Variants in MALRD1 observed in about 807,000 individuals in gnomAD.
MALRD1 encodes the protein MAM and LDL receptor class A domain containing 1.
A neutral mutation model predicts 242.1 loss-of-function variants in MALRD1; 247 were observed. That is an observed-to-expected ratio of 1.02 (90% CI 0.92 to 1.13). MALRD1 has a LOEUF of 1.13. Among genes scored for constraint, MALRD1 ranks in the 50% most tolerant of loss-of-function variants. MALRD1 has a pLI of 0.00. For missense variants in MALRD1, 2,989 were observed against 2,533.1 expected (o/e 1.18, Z -3.86); for synonymous variants, 995 against 866.6 (o/e 1.15, Z -2.60).
At chr10:19,498,339 C>A in intron 30 of MALRD1, 146 bp from the exon 31 acceptor site, 1 of 685,630 alleles carries the variant, frequency 1.5e-6, no homozygotes, top group Non-Finnish European at 2.3e-6. Context: ...AAAATATTAA[C>A]AATGAGTACA....
intron 36 of MALRD1, among the ~76,000 whole-genome samples, chr10:19,668,223 G>A (rs1428080485): frequency 1.3e-5 from 2 of 152,096 alleles, no homozygotes; most frequent in African/African-American, 4.8e-5. Context: ...TTTCCTCCCT[G>A]GTTCCTGGGA....
chr10:19,178,498 T>C (rs1835353401), intron 14 of MALRD1, among the ~76,000 whole-genome samples: 1 of 151,978 alleles, frequency 6.6e-6, no homozygotes, highest in Non-Finnish European at 1.5e-5. Flanking sequence ...ACTTGAAGTT[T>C]TGAAATCTTT....
intron 2 of MALRD1, among the ~76,000 whole-genome samples, chr10:19,072,480 C>A (rs538176444): frequency 6.6e-6 from 1 of 152,102 alleles, no homozygotes; most frequent in African/African-American, 2.4e-5. Context: ...AAAAACCCTT[C>A]TTAACTCATA....
At chr10:19,155,633 T>C (rs1176158670) in intron 12 of MALRD1, among the ~76,000 whole-genome samples, 7 of 152,220 alleles carry the variant, frequency 4.6e-5, no homozygotes, top group African/African-American at 1.4e-4. Context: ...AGCAGCATAT[T>C]AGAGAGGACG....
At chr10:19,082,221 A>T (rs889005538) in intron 2 of MALRD1, among the ~76,000 whole-genome samples, 5 of 151,624 alleles carry the variant, frequency 3.3e-5, no homozygotes, top group African/African-American at 1.2e-4. Flanking sequence ...ATTACATTTA[A>T]CATTTTAATT....
intron 17 of MALRD1, among the ~76,000 whole-genome samples, chr10:19,206,010 A>C (rs1836767076): frequency 6.6e-6 from 1 of 150,698 alleles, no homozygotes; most frequent in East Asian, 1.9e-4. Flanking sequence ...AATGATTTTT[A>C]AAATTGAAGA....
At chr10:19,069,365 G>T (rs891672222) in intron 2 of MALRD1, among the ~76,000 whole-genome samples, 3 of 151,720 alleles carry the variant, frequency 2.0e-5, no homozygotes, top group Admixed American at 1.3e-4. Context: ...CACATATATT[G>T]GTTCTATAAT....
intron 11 of MALRD1, among the ~76,000 whole-genome samples, chr10:19,148,103 G>T (rs10763873): frequency 6.6e-6 from 1 of 151,950 alleles, no homozygotes; most frequent in Non-Finnish European, 1.5e-5. Context: ...AAGGGCTGTT[G>T]TGTCTGAGAT....
intron 28 of MALRD1, among the ~76,000 whole-genome samples, chr10:19,400,468 C>T (rs961106615): frequency 7.2e-5 from 11 of 152,110 alleles, no homozygotes; most frequent in African/African-American, 2.2e-4. Flanking sequence ...GGCTTCATGA[C>T]GCAGACCTCA....
At chr10:19,508,931 TCTTTTA>T (rs976002380) in intron 31 of MALRD1, among the ~76,000 whole-genome samples, 3 of 152,112 alleles carry the variant, frequency 2.0e-5, no homozygotes, top group African/African-American at 7.2e-5. Context: ...AGATGAGTAG[TCTTTTA>T]CTTATAAATT....
chr10:19,327,287 T>A (rs867437625), intron 22 of MALRD1, among the ~76,000 whole-genome samples: 9 of 152,068 alleles, frequency 5.9e-5, no homozygotes, highest in Non-Finnish European at 1.2e-4. Flanking sequence ...AAAAAGTTAA[T>A]GTAGTTGAGT....
chr10:19,061,647 G>T (rs980053906), intron 1 of MALRD1, among the ~76,000 whole-genome samples: 1 of 152,066 alleles, frequency 6.6e-6, no homozygotes, highest in African/African-American at 2.4e-5. Flanking sequence ...CAAATATATG[G>T]TCAAGTGAGT....
At chr10:19,589,212 T>C (rs1837623379) in intron 33 of MALRD1, among the ~76,000 whole-genome samples, 2 of 152,116 alleles carry the variant, frequency 1.3e-5, no homozygotes, top group Admixed American at 1.3e-4. Flanking sequence ...GATAGATAGA[T>C]AGATAGAAGA....
chr10:19,621,742 A>T (rs894599045), intron 36 of MALRD1, among the ~76,000 whole-genome samples: 5 of 151,854 alleles, frequency 3.3e-5, no homozygotes, highest in African/African-American at 1.2e-4. Flanking sequence ...AAGTACCTGA[A>T]ATTTTTAACA....
At chr10:19,178,415 T>C (rs1206864772) in intron 14 of MALRD1, among the ~76,000 whole-genome samples, 1 of 152,176 alleles carries the variant, frequency 6.6e-6, no homozygotes, top group Non-Finnish European at 1.5e-5. Flanking sequence ...CCATGCTCCA[T>C]TGACAGTAAA....
intron 28 of MALRD1, among the ~76,000 whole-genome samples, chr10:19,402,711 A>C (rs1439012856): frequency 2.0e-5 from 3 of 152,200 alleles, no homozygotes; most frequent in Non-Finnish European, 2.9e-5. Flanking sequence ...ACATATTATT[A>C]ATACACATGT....
chr10:19,714,441 G>C (rs748353347), intron 38 of MALRD1, among the ~76,000 whole-genome samples: 2 of 152,168 alleles, frequency 1.3e-5, no homozygotes, highest in Middle Eastern at 3.4e-3. Flanking sequence ...TCCTCTCGAC[G>C]TCCAGCTGCC....
intron 38 of MALRD1, among the ~76,000 whole-genome samples, chr10:19,697,983 C>T (rs889954938): frequency 2.6e-5 from 4 of 152,194 alleles, no homozygotes; most frequent in African/African-American, 9.6e-5. Flanking sequence ...AGATGTCATT[C>T]ATTTCCAAGG....
At chr10:19,585,545 A>G (rs1033453977) in intron 33 of MALRD1, among the ~76,000 whole-genome samples, 4 of 152,090 alleles carry the variant, frequency 2.6e-5, no homozygotes, top group African/African-American at 7.2e-5. Context: ...AGAATGTTGA[A>G]TATTGGCCCC....
Sources: gnomAD v4.1 joint callset for allele counts (sites outside exome capture counted in the v4.1 genomes callset) on GRCh38, gnomAD v4.1.1 for gene constraint, MANE v1.5 for transcripts, NCBI Gene and HGNC (gene_info 2026-07-23, HGNC 2026-07-21) for gene names.